DISP2: variants seen among roughly 807,000 people sequenced by gnomAD.
DISP2 encodes dispatched RND transporter family member 2.
Under a neutral mutation model 95.5 loss-of-function variants are expected in DISP2, and 59 were observed. The observed-to-expected ratio is 0.62, with a 90% CI of 0.50 to 0.77. The LOEUF (loss-of-function observed/expected upper bound fraction) is 0.77, where lower values mean the gene tolerates loss of function less well. DISP2 is among the 30% of genes least tolerant of loss of function. The pLI, the probability that DISP2 is intolerant of heterozygous loss-of-function variation, is 0.00. For synonymous variants in DISP2, 827 were observed against 815.0 expected (o/e 1.01, Z -0.25); for missense variants, 1,752 against 1,854.6 (o/e 0.94, Z 1.02).
chr15:40,368,610 C>T lies in DISP2; in HGVS notation c.2498C>T (p.Pro833Leu), dbSNP rs773882120. Residue 833 changes from proline to leucine, a missense_variant, in exon 8 of 8, where the codon CCC (proline) becomes CTC (leucine). Transcript: ENST00000267889. ...TTCGACACCCTGCAGGAAGGCTGGCCCACGCTGTGTTTCGTGGAGACCCTC... is the reference window on the plus strand; with the variant it reads ...TTCGACACCCTGCAGGAAGGCTGGCTCACGCTGTGTTTCGTGGAGACCCTC... Reference protein sequence around the residue: ...SFFDTLQEGWPTLCFVETLQR... With the variant: ...SFFDTLQEGWLTLCFVETLQR... 5 of 1,606,964 alleles carry T rather than the reference C, an allele frequency of 3.1e-6. No individual in the cohort carries two copies. Among genetic ancestry groups the T allele is most frequent in the Non-Finnish European group, 4.2e-6 (5 of 1,179,986 alleles).
Position 40,358,282 on chromosome 15 carries a change from C to T in DISP2, c.-40C>T. 1.6e-6 allele frequency: 2 copies of T among 1,240,430 alleles called. No individual in the cohort carries two copies. The highest frequency in any genetic ancestry group is 1.0e-6 in the Non-Finnish European group (1 of 997,114). 76.8% of individuals were successfully genotyped at this position (1,240,430 alleles called of 1,614,324 possible). A position where few individuals can be genotyped will look rare whatever the true frequency, so the allele number is the denominator to read the frequency against. On this transcript the variant is annotated 5_prime_UTR_variant, in exon 1 of 8. Coordinates refer to ENST00000267889, the MANE Select transcript of DISP2 (RefSeq NM_033510.3). ...GCCGCCGCCGCCGCCGCCGCCGCGGCTTCAGCACCAGCGCCCGGACAGCGG... is the reference window on the plus strand; with the variant it reads ...GCCGCCGCCGCCGCCGCCGCCGCGGTTTCAGCACCAGCGCCCGGACAGCGG...
chr15:40,370,143 T>C lies in DISP2; in HGVS notation c.4031T>C (p.Leu1344Pro). 14 of 1,609,738 alleles carry C rather than the reference T, an allele frequency of 8.7e-6. No homozygotes were observed. The highest frequency in any genetic ancestry group is 1.2e-5 in the Non-Finnish European group (14 of 1,177,656). Residue 1344 changes from leucine to proline, a missense_variant, in exon 8 of 8, where the codon CTG becomes CCG. Around this residue, in one of 5 missense-constraint regions of DISP2, gnomAD observed 347 missense variants for 344.2 expected, o/e 1.01. Transcript: ENST00000267889. ...NGKRDTLWLA[L>P]RETVYDPSLP... ...AAGCGGGACACCCTGTGGCTGGCGCTGAGGGAGACAGTGTATGACCCATCA... is the reference window on the plus strand; with the variant it reads ...AAGCGGGACACCCTGTGGCTGGCGCCGAGGGAGACAGTGTATGACCCATCA...
At chr15:40,365,486 G>A in intron 6 of DISP2, 142 bp from the exon 7 acceptor site, 1 of 1,266,906 alleles carries the variant, frequency 7.9e-7, no homozygotes, top group Non-Finnish European at 1.1e-6. Context: ...GAGGCACAGG[G>A]ACAGGATCAG....
rs1889678128 is a variant in DISP2, at chr15:40,373,452, C to T, written c.*3134C>T. The T allele has an allele frequency of 6.6e-6, 1 of 152,216 alleles. No individual in the cohort carries two copies. Among genetic ancestry groups the T allele is most frequent in the Non-Finnish European group, 1.5e-5 (1 of 68,070 alleles). The allele number at this position is 152,216 out of a possible 1,614,324, so 9.4% of individuals were successfully genotyped here. ...GACATGATGGCTCATGCCTGTAATC[C>T]CAGCACTTTGGGAGGCTGAGGCAGG... On this transcript the variant is annotated 3_prime_UTR_variant, in exon 8 of 8. Transcript: ENST00000267889.
Position 40,368,579 on chromosome 15 carries a change from A to G in DISP2, c.2467A>G (p.Ser823Gly). The G allele has an allele frequency of 6.2e-7, 1 of 1,604,562 alleles. No homozygotes were observed. The highest frequency in any genetic ancestry group is 8.5e-7 in the Non-Finnish European group (1 of 1,179,892). The change falls in exon 8 of 8, where the codon AGC becomes GGC. Residue 823 changes from serine to glycine, a missense_variant. Transcript: ENST00000267889. ...ACTCTGTCACCGGGCCCGGAATCAG[A>G]GCTTCTTCGACACCCTGCAGGAAGG... The part of the protein sequence containing the change: ...LALCHRARNQ[S>G]FFDTLQEGWP...
Position 40,371,346 on chromosome 15 carries a change from G to A in DISP2, c.*1028G>A, listed in dbSNP as rs763978716. 1 of 152,276 alleles carries A rather than the reference G, an allele frequency of 6.6e-6. No homozygotes were observed. The highest frequency in any genetic ancestry group is 1.5e-5 in the Non-Finnish European group (1 of 68,106). 9.4% of individuals were successfully genotyped at this position (152,276 alleles called of 1,614,324 possible). ...CCCTCTTTGGGCCTCCACTTCCTGA[G>A]AGAGCTGTATTCCAAAAAAACCCAG... On this transcript the variant is annotated 3_prime_UTR_variant, in exon 8 of 8. Coordinates refer to ENST00000267889, the MANE Select transcript of DISP2 (RefSeq NM_033510.3).
In DISP2 at chr15:40,368,758, AG is replaced by A; in HGVS notation, c.2648del (p.Gly883AlafsTer69). ...HCLKMMALEQGPDGTQDLGLR... is the reference protein window; with the variant it reads ...HCLKMMALEQXPDGTQDLGLR... ...GCCTGAAAATGATGGCTCTGGAGCA[AG>A]GCCCCGATGGCACCCAGGACCTGGG... On this transcript the variant is annotated frameshift_variant, in exon 8 of 8. Coordinates refer to ENST00000267889, the MANE Select transcript of DISP2 (RefSeq NM_033510.3). LOFTEE classifies it high-confidence loss of function. The A allele has an allele frequency of 6.2e-7, 1 of 1,613,764 alleles. No homozygotes were observed. The highest frequency in any genetic ancestry group is 8.5e-7 in the Non-Finnish European group (1 of 1,180,028).
rs1889643041 is a variant in DISP2, at chr15:40,371,411, T to C, written c.*1093T>C. On this transcript the variant is annotated 3_prime_UTR_variant, in exon 8 of 8. Coordinates refer to ENST00000267889, the MANE Select transcript of DISP2 (RefSeq NM_033510.3). ...CTCCCCCGTGCCTCCCTCTGGAATC[T>C]GGCTGAGATGTCTGCTGGCCCTGGG... 1 of 152,424 alleles carries C rather than the reference T, an allele frequency of 6.6e-6. No individual in the cohort carries two copies. Among genetic ancestry groups the C allele is most frequent in the South Asian group, 2.1e-4 (1 of 4,832 alleles). The allele number at this position is 152,424 out of a possible 1,614,324, so 9.4% of individuals were successfully genotyped here.
intron 1 of DISP2, among the ~76,000 whole-genome samples, chr15:40,360,992 C>T (rs1403764647): frequency 6.6e-6 from 1 of 152,238 alleles, no homozygotes; most frequent in Non-Finnish European, 1.5e-5. Context: ...TATGTCCACA[C>T]TTACACACAC....
chr15:40,363,105 C>A (rs1195206025), intron 1 of DISP2, among the ~76,000 whole-genome samples: 1 of 151,112 alleles, frequency 6.6e-6, no homozygotes, highest in Non-Finnish European at 1.5e-5. Context: ...AGATCAAGAC[C>A]ATCCTGACTA....
chr15:40,363,458 G>A (rs867255727), intron 1 of DISP2, among the ~76,000 whole-genome samples, 167 bp from the exon 2 acceptor site: 1 of 152,182 alleles, frequency 6.6e-6, no homozygotes, highest in Non-Finnish European at 1.5e-5. Context: ...TGAGGGCGCA[G>A]ACTTCGAGCC....
rs749138299 is a variant in DISP2, at chr15:40,358,254, A to ACCGCCG, written c.-48_-43dup. On this transcript the variant is annotated 5_prime_UTR_variant, in exon 1 of 8. Coordinates refer to ENST00000267889, the MANE Select transcript of DISP2 (RefSeq NM_033510.3). ...GCACCCCGCCGCCGCTGCCGCCGCC[A>ACCGCCG]CCGCCGCCGCCGCCGCCGCCGCCGC... 4,355 of 1,031,644 alleles carry ACCGCCG rather than the reference A, an allele frequency of 4.2e-3. 17 individuals carry two copies. Among genetic ancestry groups the ACCGCCG allele is most frequent in the East Asian group, 9.5e-3 (218 of 22,972 alleles). The allele number at this position is 1,031,644 out of a possible 1,614,324, so 63.9% of individuals were successfully genotyped here.
intron 1 of DISP2, among the ~76,000 whole-genome samples, chr15:40,361,448 C>T (rs1889404519): frequency 6.6e-6 from 1 of 152,222 alleles, no homozygotes; most frequent in South Asian, 2.1e-4. Flanking sequence ...ACATATGTTA[C>T]ATCAGTTAAT....
rs745355595 is a variant in DISP2, at chr15:40,367,739, G to C, written c.1627G>C (p.Val543Leu). The stretch of plus-strand genomic sequence containing the variant: ...CTTCCGCATGGCCTACTTCCCCTTC[G>C]TCAATCTGGCAGCCCTCCTCCTGCT... ...VAFRMAYFPF[V>L]NLAALLLLSS... Residue 543 changes from valine to leucine, a missense_variant, in exon 8 of 8, where the codon GTC becomes CTC. Physicochemically the swap from Val to Leu is conservative, Grantham distance 32 (BLOSUM62 1). Coordinates refer to ENST00000267889, the MANE Select transcript of DISP2 (RefSeq NM_033510.3). 1.2e-6 allele frequency: 2 copies of C among 1,612,684 alleles called. No individual in the cohort carries two copies. The highest frequency in any genetic ancestry group is 1.1e-5 in the South Asian group (1 of 91,088).
chr15:40,365,757 G>T, intron 7 of DISP2, 32 bp downstream of exon 7: 2 of 1,608,544 alleles, frequency 1.2e-6, no homozygotes, highest in Non-Finnish European at 1.7e-6. Flanking sequence ...CAGGGGTTTG[G>T]GGGGAACTAA....
rs779414662 is a variant in DISP2 at position 40,369,515 on chromosome 15, G to A, written c.3403G>A (p.Gly1135Ser). 4.3e-6 allele frequency: 7 copies of A among 1,613,110 alleles called. No homozygotes were observed. The highest frequency in any genetic ancestry group is 5.1e-6 in the Non-Finnish European group (6 of 1,180,020). ...WPCAHLPWDA[G>S]TGDPGGEKAG... ...CTGTGCCCACCTGCCATGGGATGCT[G>A]GTACTGGGGACCCTGGTGGGGAGAA... Residue 1135 changes from glycine to serine, a missense_variant, in exon 8 of 8, where the codon GGT becomes AGT. Gly to Ser is a moderately conservative substitution (Grantham distance 56). This residue lies in a region of DISP2 where 347 missense variants were observed against 344.2 expected (regional missense o/e 1.01). Coordinates refer to ENST00000267889, the MANE Select transcript of DISP2 (RefSeq NM_033510.3).
Position 40,374,163 on chromosome 15 carries a change from G to A in DISP2, c.*3845G>A, listed in dbSNP as rs1176409306. 1.3e-5 allele frequency: 2 copies of A among 150,594 alleles called. No homozygotes were observed. The highest frequency in any genetic ancestry group is 2.9e-5 in the Non-Finnish European group (2 of 67,830). The allele number at this position is 150,594 out of a possible 1,614,324, so 9.3% of individuals were successfully genotyped here. A position where few individuals can be genotyped will look rare whatever the true frequency, so the allele number is the denominator to read the frequency against. ...GAATCTTAGATTTTACTGATATATA[G>A]CATATCCCATACCATGATATGCGGG... On this transcript the variant is annotated 3_prime_UTR_variant, in exon 8 of 8. Coordinates refer to ENST00000267889, the MANE Select transcript of DISP2 (RefSeq NM_033510.3).
At position 40,370,299 on chromosome 15, in the gene DISP2, C is replaced by T. The variant is rs758145681; in HGVS notation, c.4187C>T (p.Thr1396Met). The T allele has an allele frequency of 2.1e-5, 33 of 1,544,058 alleles. No homozygotes were observed. Among genetic ancestry groups the T allele is most frequent in the Admixed American group, 2.0e-5 (1 of 51,134 alleles). The stretch of plus-strand genomic sequence containing the variant: ...TGGCTGCGCAGGCCCAGCACTCACA[C>T]GTCAGGCTATAGCAGCTGAGGGGGA... ...DVWLRRPSTH[T>M]SGYSS Residue 1396 changes from threonine to methionine, a missense_variant, in exon 8 of 8, where the codon ACG becomes ATG. Around this residue, in one of 5 missense-constraint regions of DISP2, gnomAD observed 347 missense variants for 344.2 expected, o/e 1.01. Coordinates refer to ENST00000267889, the MANE Select transcript of DISP2 (RefSeq NM_033510.3).
chr15:40,363,311 C>CA (rs776191955), intron 1 of DISP2, among the ~76,000 whole-genome samples: 41,433 of 102,260 alleles, frequency 0.41, 6,678 homozygotes, highest in East Asian at 0.61. Flanking sequence ...GACTCCATCA[C>CA]AAAAAAAAAA....
Sources: gnomAD v4.1 joint callset for allele counts (sites outside exome capture counted in the v4.1 genomes callset) on GRCh38, gnomAD v4.1.1 for gene constraint, gnomAD v4.1.1 regional missense constraint, MANE v1.5 for transcripts, NCBI Gene and HGNC (gene_info 2026-07-23, HGNC 2026-07-21) for gene names.